The following NBL1 variants were observed in gnomAD, a reference collection of about 807,000 sequenced individuals.
NBL1 encodes the protein neuroblastoma suppressor of tumorigenicity 1.
A neutral mutation model predicts 16.0 loss-of-function variants in NBL1; 9 were observed. That is an observed-to-expected ratio of 0.56 (90% CI 0.34 to 0.98). The LOEUF is 0.98. Among genes scored for constraint, NBL1 ranks in the 50% least tolerant of loss-of-function variants. NBL1 has a pLI of 0.02. For missense variants in NBL1, 196 were observed against 243.1 expected, an observed-to-expected ratio of 0.81 and a Z score of 1.29; for synonymous variants, 86 against 100.7, an observed-to-expected ratio of 0.85 and a Z score of 0.87.
At chr1:19,656,455 C>T (rs1382040435) in intron 3 of NBL1, among the ~76,000 whole-genome samples, 2 of 151,734 alleles carry the variant, frequency 1.3e-5, no homozygotes, top group East Asian at 1.9e-4. Flanking sequence ...GTGCGGAGTC[C>T]CTGAGGCAGA....
At chr1:19,643,702 G>A, upstream of NBL1, 1 of 1,162,812 alleles carries the variant, frequency 8.6e-7, no homozygotes, top group Non-Finnish European at 1.1e-6. The surrounding 1 kb of genome is among the most constrained non-coding windows in gnomAD (Gnocchi z 4.7). Flanking sequence ...AGGGCGTGGG[G>A]CCGAGAGCGA....
At chr1:19,647,467 T>G in intron 1 of NBL1, 2 of 231,846 alleles carry the variant, frequency 8.6e-6, no homozygotes, top group Non-Finnish European at 1.4e-5. Context: ...TTAGAATGGC[T>G]GAGCTAAGAT....
intron 1 of NBL1, among the ~76,000 whole-genome samples, chr1:19,646,752 G>A (rs1334110309): frequency 6.6e-6 from 1 of 152,204 alleles, no homozygotes; most frequent in Non-Finnish European, 1.5e-5. Flanking sequence ...CCACGACCCT[G>A]TCTTAGAGTC....
chr1:19,655,499 TC>T (rs1570569191), intron 3 of NBL1, 64 bp downstream of exon 3: 4 of 1,552,530 alleles, frequency 2.6e-6, no homozygotes, highest in Admixed American at 1.8e-5. Flanking sequence ...TTGGCCTTTC[TC>T]CCCAGGCTCC....
chr1:19,645,577 G>A (rs747887437), intron 1 of NBL1: 60 of 1,019,088 alleles, frequency 5.9e-5, no homozygotes, highest in Non-Finnish European at 6.8e-5. Flanking sequence ...GAAGCAATTT[G>A]TCAACAAGGA....
chr1:19,657,240 G>A lies in NBL1; in HGVS notation c.*111G>A. On this transcript the variant is annotated 3_prime_UTR_variant, in exon 4 of 4. Transcript: ENST00000375136. Reference sequence around the variant, plus strand: ...CCCCCTTTGGCACTGGATGGACTTGGCTTCAGACTCGGACTTGAATGCTGC... The same window carrying A: ...CCCCCTTTGGCACTGGATGGACTTGACTTCAGACTCGGACTTGAATGCTGC... 1 of 585,394 alleles carries A rather than the reference G, an allele frequency of 1.7e-6. No individual in the cohort carries two copies. Among genetic ancestry groups the A allele is most frequent in the Non-Finnish European group, 3.0e-6 (1 of 330,588 alleles). 36.3% of individuals were successfully genotyped at this position (585,394 alleles called of 1,614,324 possible). A position where few individuals can be genotyped will look rare whatever the true frequency, so the allele number is the denominator to read the frequency against.
chr1:19,643,881 G>A, upstream of NBL1: 1 of 989,474 alleles, frequency 1.0e-6, no homozygotes, highest in Non-Finnish European at 1.2e-6. This position sits in a 1 kb window ranked among gnomAD's most constrained non-coding sequence, Gnocchi z 4.7. Context: ...AGTCTGCAAT[G>A]CCCGGTGCCC....
chr1:19,647,885 G>A (rs575874944), intron 1 of NBL1, among the ~76,000 whole-genome samples: 12 of 143,190 alleles, frequency 8.4e-5, no homozygotes, highest in African/African-American at 2.2e-4. Flanking sequence ...GTGTGTGTGC[G>A]TGTGCGCGCG....
chr1:19,657,362 T>G lies in NBL1; in HGVS notation c.*233T>G. ...GGGAGGAAGCAGAGGTCTTCAGGGC[T>G]CTTTTTTTGGGGGGGGTGGTCTCTT... On this transcript the variant is annotated 3_prime_UTR_variant, in exon 4 of 4. Coordinates refer to ENST00000375136, the MANE Select transcript of NBL1 (RefSeq NM_005380.8). 1 of 158,072 alleles carries G rather than the reference T, an allele frequency of 6.3e-6. No homozygotes were observed. The highest frequency in any genetic ancestry group is 1.1e-5 in the Non-Finnish European group (1 of 87,224). 9.8% of individuals were successfully genotyped at this position (158,072 alleles called of 1,614,324 possible).
intron 1 of NBL1, among the ~76,000 whole-genome samples, chr1:19,647,923 A>C (rs549527988): frequency 2.0e-5 from 3 of 150,822 alleles, no homozygotes; most frequent in Non-Finnish European, 4.4e-5. Context: ...GCGGATGTAC[A>C]TTTTCTTGTG....
chr1:19,652,638 G>A (rs984508063), intron 1 of NBL1, among the ~76,000 whole-genome samples: 3 of 152,114 alleles, frequency 2.0e-5, no homozygotes, highest in African/African-American at 7.2e-5. Context: ...AGCCCTGCAG[G>A]AGCCCCACTC....
intron 1 of NBL1, among the ~76,000 whole-genome samples, chr1:19,652,862 C>T (rs2095034643): frequency 6.6e-6 from 1 of 152,052 alleles, no homozygotes; most frequent in African/African-American, 2.4e-5. Context: ...GTGGCGAATG[C>T]CTGTAATTCC....
intron 3 of NBL1, among the ~76,000 whole-genome samples, 177 bp from the exon 4 acceptor site, chr1:19,656,689 C>G (rs1297711056): frequency 6.6e-6 from 1 of 152,032 alleles, no homozygotes; most frequent in African/African-American, 2.4e-5. Context: ...GAGGAGACAG[C>G]TCTGGTGGCT....
intron 1 of NBL1, among the ~76,000 whole-genome samples, chr1:19,653,718 G>A (rs1030744727): frequency 1.3e-5 from 2 of 152,214 alleles, no homozygotes; most frequent in Non-Finnish European, 2.9e-5. Context: ...GCCGTCCTCC[G>A]AGGGTTTGGG....
intron 1 of NBL1, among the ~76,000 whole-genome samples, chr1:19,652,761 G>A (rs1277270368): frequency 6.6e-6 from 1 of 152,132 alleles, no homozygotes; most frequent in East Asian, 1.9e-4. Flanking sequence ...GCCGAGGTGG[G>A]CAGATCACTT....
At chr1:19,649,676 C>T (rs1334176683) in intron 1 of NBL1, among the ~76,000 whole-genome samples, 1 of 152,014 alleles carries the variant, frequency 6.6e-6, no homozygotes, top group Non-Finnish European at 1.5e-5. Context: ...AATTATAATA[C>T]TGTATTTTTA....
At chr1:19,652,543 G>A (rs560006489) in intron 1 of NBL1, among the ~76,000 whole-genome samples, 1 of 152,260 alleles carries the variant, frequency 6.6e-6, no homozygotes, top group South Asian at 2.1e-4. Flanking sequence ...CGGCATTGGG[G>A]TCCCCTGAGA....
intron 3 of NBL1, 47 bp downstream of exon 3, chr1:19,655,482 C>T (rs1170754948): frequency 6.3e-7 from 1 of 1,597,630 alleles, no homozygotes; most frequent in Admixed American, 1.7e-5. Context: ...CGGAGCCTGC[C>T]CCAGCCTTGG....
rs1319209226 is a variant in NBL1 at position 19,644,608 on chromosome 1, C to G, written c.-20+162C>G. Among the ~76,000 whole-genome samples the G allele has an allele frequency of 6.6e-6, 1 of 150,526 alleles. No individual in the cohort carries two copies. The highest frequency in any genetic ancestry group is 1.5e-5 in the Non-Finnish European group (1 of 67,418). ...GCCGAGCTCAGGAGCCCTGGGGGAC[C>G]TGGCGGGCGCCTCCGGACGCCGGCG... On this transcript the variant is annotated intron_variant, in intron 1 of 3. Coordinates refer to ENST00000375136, the MANE Select transcript of NBL1 (RefSeq NM_005380.8). This position sits in a 1 kb window ranked among gnomAD's most constrained non-coding sequence, Gnocchi z 4.6.
Sources: allele counts gnomAD v4.1 joint callset (sites outside exome capture counted in the v4.1 genomes callset), GRCh38; gene constraint gnomAD v4.1.1; non-coding constraint Gnocchi (gnomAD v3.1); transcripts MANE v1.5; gene names NCBI Gene and HGNC (gene_info 2026-07-23, HGNC 2026-07-21).